SLC28A1: variants seen among roughly 807,000 people sequenced by gnomAD.
The protein encoded by SLC28A1 is solute carrier family 28 member 1, also known as sodium/nucleoside cotransporter 1.
SLC28A1 carries 64 observed loss-of-function variants against 74.8 expected under a neutral mutation model. The observed-to-expected ratio is 0.86, with a 90% CI of 0.70 to 1.05. The LOEUF is 1.05. Ranked by LOEUF, SLC28A1 falls within the 50% of genes least tolerant of loss-of-function variation. The probability of loss-of-function intolerance (pLI) is 0.00; values close to 1 mark genes in which losing one functional copy is unlikely to be tolerated. For missense variants in SLC28A1, 828 were observed against 822.8 expected (o/e 1.01, Z -0.08); for synonymous variants, 359 against 335.0 (o/e 1.07, Z -0.78).
chr15:84,949,273 A>C (rs1420444459), downstream of SLC28A1, among the ~76,000 whole-genome samples: 2 of 152,234 alleles, frequency 1.3e-5, no homozygotes, highest in Non-Finnish European at 2.9e-5. Flanking sequence ...AGAACACAGC[A>C]TGGTAAATAT....
chr15:84,962,836 A>G, the SLC28A1 span, among the ~76,000 whole-genome samples: 2 of 152,196 alleles, frequency 1.3e-5, no homozygotes, highest in African/African-American at 4.8e-5. Flanking sequence ...GCAGTGTCCA[A>G]AGGTGACAAG....
At chr15:84,907,554 G>A (rs1967425578) in intron 8 of SLC28A1, among the ~76,000 whole-genome samples, 3 of 152,056 alleles carry the variant, frequency 2.0e-5, no homozygotes, top group Non-Finnish European at 4.4e-5. Context: ...CACTCAGGCT[G>A]GAGTGCAGTG....
chr15:84,944,653 C>G lies in SLC28A1; in HGVS notation c.1751C>G (p.Ala584Gly), dbSNP rs748010707. 1.4e-5 allele frequency: 22 copies of G among 1,613,364 alleles called. No individual in the cohort carries two copies. In the East Asian group the frequency reaches 4.5e-4, roughly 33 times the overall value. The change falls in exon 17 of 19, where the codon GCC (alanine) becomes GGC (glycine). Residue 584 changes from alanine to glycine, a missense_variant. Physicochemically the swap from Ala to Gly is moderately conservative, Grantham distance 60. This residue lies in a region of SLC28A1 where 767 missense variants were observed against 753.5 expected (regional missense o/e 1.02). Transcript: ENST00000394573. The stretch of plus-strand genomic sequence containing the variant: ...GGAGCCTGTGTGTCCCTGGTGAACG[C>G]CTGTATGGCAGGTGAGTGCAGGCCT... ...FTGACVSLVN[A>G]CMAGILYMPR... is the part of the protein sequence containing the mutation.
rs368139673 is a variant in SLC28A1, at chr15:84,927,688, G to A, written c.1083+3578G>A. ...TTGGGGAAAAGGGCTTCTGGTCTCC[G>A]TGCCCTGCCTTGGAGAAGGGGAATT... is the stretch of plus-strand genomic sequence containing the variant. On this transcript the variant is annotated intron_variant, in intron 12 of 18. Transcript: ENST00000394573. 4.6e-5 allele frequency among the ~76,000 whole-genome samples: 7 copies of A among 152,262 alleles called. No homozygotes were observed. In the South Asian group the frequency reaches 8.3e-4, roughly 18 times the overall value.
At position 84,908,587 on chromosome 15, in the gene SLC28A1, G is replaced by GCC. The variant is rs146702064; in HGVS notation, c.718-123_718-122dup. On this transcript the variant is annotated intron_variant, in intron 8 of 18. Coordinates refer to ENST00000394573, the MANE Select transcript of SLC28A1 (RefSeq NM_004213.5). ...GCTTTAACGCACCTTGCCAGGTGGT[G>GCC]CCCCCCCCCGGATAAGGGCCTGGGG... The GCC allele has an allele frequency of 8.1e-3, 5,678 of 700,312 alleles. 10 individuals carry two copies. The highest frequency in any genetic ancestry group is 0.012 in the South Asian group (812 of 65,844). The allele number at this position is 700,312 out of a possible 1,614,324, so 43.4% of individuals were successfully genotyped here. A position where few individuals can be genotyped will look rare whatever the true frequency, so the allele number is the denominator to read the frequency against.
chr15:84,975,475 A>C, the SLC28A1 span: 1 of 456,078 alleles, frequency 2.2e-6, no homozygotes, highest in Non-Finnish European at 4.4e-6. Context: ...TCCATTAGTT[A>C]TGTTCCAGTA....
At chr15:84,923,732 G>A (rs144505291) in intron 11 of SLC28A1, among the ~76,000 whole-genome samples, 298 of 152,234 alleles carry the variant, frequency 2.0e-3, no homozygotes, top group African/African-American at 6.8e-3. Flanking sequence ...GACGTGCTTA[G>A]CGGGGTGCCT....
chr15:84,970,834 C>CAAA, the SLC28A1 span, among the ~76,000 whole-genome samples: 4 of 149,592 alleles, frequency 2.7e-5, no homozygotes, highest in African/African-American at 9.8e-5. Flanking sequence ...CTCATATCTA[C>CAAA]AAAAAAAAAC....
intron 12 of SLC28A1, among the ~76,000 whole-genome samples, chr15:84,928,574 CTT>C (rs1567172164): frequency 3.3e-4 from 8 of 24,240 alleles, no homozygotes; most frequent in Admixed American, 1.1e-3. Flanking sequence ...TTCTTTCTTT[CTT>C]TCTTTCTTTC....
At chr15:84,951,848 T>G in the SLC28A1 span, among the ~76,000 whole-genome samples, 1 of 151,696 alleles carries the variant, frequency 6.6e-6, no homozygotes, top group African/African-American at 2.4e-5. Flanking sequence ...CTGATACATA[T>G]CCGAGGGGAA....
intron 11 of SLC28A1, among the ~76,000 whole-genome samples, chr15:84,923,632 G>A (rs73439955): frequency 0.022 from 3,350 of 152,230 alleles, 121 homozygotes; most frequent in African/African-American, 0.074. Context: ...ATGAGCAGGG[G>A]TCATTCCTGG....
At chr15:84,958,589 T>A in the SLC28A1 span, among the ~76,000 whole-genome samples, 8 of 152,148 alleles carry the variant, frequency 5.3e-5, no homozygotes, top group Non-Finnish European at 4.4e-5. Flanking sequence ...GGTCTCATTC[T>A]ATTACCCAGC....
At chr15:84,899,311 CA>C (rs1966345984) in intron 6 of SLC28A1, among the ~76,000 whole-genome samples, 1 of 151,578 alleles carries the variant, frequency 6.6e-6, no homozygotes, top group African/African-American at 2.4e-5. Flanking sequence ...CAAATATACA[CA>C]ATTGAAGTCT....
chr15:84,959,120 AAGAG>A, the SLC28A1 span, among the ~76,000 whole-genome samples: 6 of 141,598 alleles, frequency 4.2e-5, no homozygotes, highest in Non-Finnish European at 9.3e-5. Flanking sequence ...AAAAAAAAAA[AAGAG>A]ATGAGGTCTC....
chr15:84,927,525 G>A (rs1970653647), intron 12 of SLC28A1, among the ~76,000 whole-genome samples: 1 of 152,082 alleles, frequency 6.6e-6, no homozygotes, highest in African/African-American at 2.4e-5. Context: ...TCTGGGTATG[G>A]GGCAAGATCC....
intron 6 of SLC28A1, among the ~76,000 whole-genome samples, chr15:84,903,476 T>C (rs982076501): frequency 5.9e-5 from 9 of 152,210 alleles, no homozygotes. Context: ...GATGACCGGA[T>C]TGGGGTGAGA....
intron 16 of SLC28A1, among the ~76,000 whole-genome samples, chr15:84,943,924 GA>G (rs1973005428): frequency 6.6e-6 from 1 of 151,964 alleles, no homozygotes; most frequent in East Asian, 1.9e-4. Flanking sequence ...AAAGAAAAAA[GA>G]AAAAGATGTT....
At chr15:84,966,313 C>T in the SLC28A1 span, among the ~76,000 whole-genome samples, 64,996 of 151,936 alleles carry the variant, frequency 0.43, 15,661 homozygotes, top group South Asian at 0.66. Context: ...GTGATCTGCC[C>T]GCCTCAGCCT....
chr15:84,969,495 T>C, the SLC28A1 span, among the ~76,000 whole-genome samples: 107,654 of 151,888 alleles, frequency 0.71, 38,436 homozygotes, highest in South Asian at 0.85. Flanking sequence ...TGCTGCCAGG[T>C]CTGGTAATTA....
Sources: allele counts gnomAD v4.1 joint callset (sites outside exome capture counted in the v4.1 genomes callset), GRCh38; gene constraint gnomAD v4.1.1; regional missense constraint gnomAD v4.1.1; transcripts MANE v1.5; gene names NCBI Gene and HGNC (gene_info 2026-07-23, HGNC 2026-07-21).